The following DMD variants were observed in gnomAD, a reference collection of about 807,000 sequenced individuals.
DMD encodes the protein dystrophin, also known as mutant dystrophin.
A neutral mutation model predicts 330.1 loss-of-function variants in DMD; 63 were observed. That is an observed-to-expected ratio of 0.19 (90% CI 0.16 to 0.24). The LOEUF is 0.24. Among genes scored for constraint, DMD ranks in the 10% least tolerant of loss-of-function variants. The probability of loss-of-function intolerance (pLI) is 1.00; values close to 1 mark genes in which losing one functional copy is unlikely to be tolerated. For missense variants in DMD, 3,344 were observed against 2,684.1 expected (o/e 1.25, Z -5.43); for synonymous variants, 1,223 against 959.8 (o/e 1.27, Z -5.07).
At chrX:32,026,297 C>A (rs2095845286) in intron 44 of DMD, among the ~76,000 whole-genome samples, 1 of 112,221 alleles carries the variant, frequency 8.9e-6, no homozygotes, top group Admixed American at 9.4e-5. Context: ...CATATTAAAA[C>A]TTCACGAAGT....
At chrX:31,324,312 C>T (rs982905683) in intron 61 of DMD, among the ~76,000 whole-genome samples, 2 of 110,022 alleles carry the variant, frequency 1.8e-5, no homozygotes, top group African/African-American at 3.3e-5. Context: ...GAATCCTATA[C>T]GTGAAATTTC....
intron 9 of DMD, 80 bp downstream of exon 9, chrX:32,697,790 T>G: frequency 8.5e-7 from 1 of 1,177,797 alleles, no homozygotes; most frequent in Non-Finnish European, 1.1e-6. Flanking sequence ...CACTGAAAAA[T>G]TCAAGCAAGT....
intron 1 of DMD, among the ~76,000 whole-genome samples, chrX:33,070,555 TAA>T (rs1209982328): frequency 9.4e-6 from 1 of 106,590 alleles, no homozygotes; most frequent in African/African-American, 3.4e-5. Context: ...AGAAAAAAAT[TAA>T]AAAAGAGTAT....
chrX:32,382,006 G>A (rs961253782), intron 33 of DMD, among the ~76,000 whole-genome samples: 6 of 110,910 alleles, frequency 5.4e-5, no homozygotes, highest in African/African-American at 2.0e-4. Context: ...TAGAACACAG[G>A]AATATTGCGA....
intron 60 of DMD, among the ~76,000 whole-genome samples, chrX:31,389,383 C>T (rs750099107): frequency 1.8e-5 from 2 of 112,187 alleles, no homozygotes; most frequent in Middle Eastern, 8.4e-3. Context: ...AATTACTAAT[C>T]AGCCTATGGC....
At chrX:32,648,834 G>T (rs1445911893) in intron 9 of DMD, among the ~76,000 whole-genome samples, 1 of 111,411 alleles carries the variant, frequency 9.0e-6, no homozygotes, top group Admixed American at 9.5e-5. Context: ...ATTTTACATT[G>T]TACCTAAGAT....
intron 56 of DMD, among the ~76,000 whole-genome samples, chrX:31,505,632 ACTTTTTT>A (rs1206411327): frequency 1.4e-4 from 15 of 109,698 alleles, no homozygotes; most frequent in Non-Finnish European, 2.1e-4. Context: ...TTTTTCTTTT[ACTTTTTT>A]CTTTTTTCTT....
chrX:32,455,211 T>A (rs777091038), intron 25 of DMD, among the ~76,000 whole-genome samples: 3 of 111,524 alleles, frequency 2.7e-5, no homozygotes, highest in Admixed American at 9.5e-5. Flanking sequence ...TTTCATAATG[T>A]TTTACTATTT....
Position 31,820,041 on chromosome X carries a change from G to A in DMD, c.7243C>T (p.Arg2415Cys), listed in dbSNP as rs139395045. ...DLSSEWKAVN[R>C]LLQELRAKQP... ...TTTGCCCTCAGCTCTTGAAGTAAAC[G>A]GTTTACCGCCTTCCACTCAGAGCTC... The change falls in exon 50 of 79, where the codon CGT becomes TGT. Residue 2415 changes from arginine to cysteine, a missense_variant. By Grantham distance (180) the Arg-to-Cys change is radical. Transcript: ENST00000357033. The A allele has an allele frequency of 1.0e-4, 126 of 1,209,890 alleles. No homozygotes were observed. In the African/African-American group the frequency reaches 1.6e-3, roughly 15 times the overall value.
intron 30 of DMD, among the ~76,000 whole-genome samples, chrX:32,397,166 A>G (rs1459642421): frequency 1.8e-5 from 2 of 111,753 alleles, no homozygotes; most frequent in African/African-American, 6.5e-5. Flanking sequence ...CTACTTGTCT[A>G]CTAGATTTCT....
chrX:33,323,603 T>TA (rs1280238148), intron 1 of DMD, among the ~76,000 whole-genome samples: 1 of 111,567 alleles, frequency 9.0e-6, no homozygotes, highest in Non-Finnish European at 1.9e-5. Flanking sequence ...ATGAGATTTT[T>TA]AAAAAAATGT....
At chrX:31,243,720 G>A (rs1404353613) in intron 63 of DMD, among the ~76,000 whole-genome samples, 2 of 112,655 alleles carry the variant, frequency 1.8e-5, no homozygotes, top group Admixed American at 1.9e-4. Context: ...AGTATTATGA[G>A]TGTAAATGGC....
intron 42 of DMD, among the ~76,000 whole-genome samples, chrX:32,288,265 C>T (rs2097451329): frequency 9.0e-6 from 1 of 111,412 alleles, no homozygotes; most frequent in South Asian, 3.7e-4. Context: ...CCATAGATTC[C>T]CTCATTTCAG....
intron 1 of DMD, among the ~76,000 whole-genome samples, chrX:33,110,302 CT>C (rs1336382968): frequency 9.0e-6 from 1 of 111,197 alleles, no homozygotes; most frequent in Non-Finnish European, 1.9e-5. Context: ...CTATGGATCC[CT>C]TTGGCATCTG....
At chrX:32,307,253 T>G (rs978068151) in intron 42 of DMD, among the ~76,000 whole-genome samples, 17 of 111,410 alleles carry the variant, frequency 1.5e-4, no homozygotes, top group African/African-American at 5.2e-4. Flanking sequence ...GTTTTTACTG[T>G]GTGCGATGGG....
chrX:33,230,136 T>C (rs770356401), intron 1 of DMD, among the ~76,000 whole-genome samples: 1 of 106,140 alleles, frequency 9.4e-6, no homozygotes, highest in Non-Finnish European at 1.9e-5. Flanking sequence ...CATATGTGTA[T>C]GATGTTGAAA....
chrX:31,648,244 G>C (rs759841561), intron 54 of DMD, among the ~76,000 whole-genome samples: 1 of 111,320 alleles, frequency 9.0e-6, no homozygotes, highest in African/African-American at 3.3e-5. Flanking sequence ...ATTTTTGATA[G>C]TTTCTACAAT....
At chrX:32,126,061 G>A (rs1350112247) in intron 44 of DMD, among the ~76,000 whole-genome samples, 4 of 112,076 alleles carry the variant, frequency 3.6e-5, no homozygotes, top group African/African-American at 9.7e-5. Context: ...TTAGCAAAGT[G>A]ATGGGTTCAC....
intron 44 of DMD, among the ~76,000 whole-genome samples, chrX:32,179,447 T>C (rs191759460): frequency 8.9e-6 from 1 of 112,148 alleles, no homozygotes; most frequent in East Asian, 2.8e-4. Context: ...AATCTGTTAC[T>C]CTAAGCAAAA....
Sources: gnomAD v4.1 joint callset for allele counts (sites outside exome capture counted in the v4.1 genomes callset) on GRCh38, gnomAD v4.1.1 for gene constraint, MANE v1.5 for transcripts, NCBI Gene and HGNC (gene_info 2026-07-23, HGNC 2026-07-21) for gene names.